COG4: variants seen among roughly 807,000 people sequenced by gnomAD.
COG4 encodes conserved oligomeric Golgi complex subunit 4.
A neutral mutation model predicts 95.1 loss-of-function variants in COG4; 65 were observed. That is an observed-to-expected ratio of 0.68 (90% CI 0.56 to 0.84). The LOEUF (loss-of-function observed/expected upper bound fraction) is 0.84. COG4 is among the 40% of genes least tolerant of loss of function. The pLI is 0.00. For missense variants in COG4, 1,045 were observed against 989.1 expected (o/e 1.06, Z -0.76); for synonymous variants, 421 against 374.8 (o/e 1.12, Z -1.42).
chr16:70,515,489 G>C (rs2049802544), intron 3 of COG4, among the ~76,000 whole-genome samples: 1 of 152,082 alleles, frequency 6.6e-6, no homozygotes, highest in Admixed American at 6.6e-5. Context: ...TTTGAGACCA[G>C]CCTGACCAAC....
At chr16:70,522,837 T>A (rs1290017155) in intron 1 of COG4, among the ~76,000 whole-genome samples, 2 of 151,944 alleles carry the variant, frequency 1.3e-5, no homozygotes, top group Non-Finnish European at 2.9e-5. Context: ...TGTCCAAGAT[T>A]AGAGAATTGT....
rs1176268539 is a variant in COG4 at position 70,501,251 on chromosome 16, A to G, written c.1062-160T>C. On this transcript the variant is annotated intron_variant, in intron 8 of 18. Coordinates refer to ENST00000323786, the MANE Select transcript of COG4 (RefSeq NM_015386.3). ...GCTCTGCTGGCCCAATTAGAATCAG[A>G]GATAGCTGTCAATCACATTTTCCAT... 4.3e-6 allele frequency: 3 copies of G among 698,082 alleles called. No homozygotes were observed. The African/African-American group carries it at 5.3e-5, about 12-fold the overall frequency. 43.2% of individuals were successfully genotyped at this position (698,082 alleles called of 1,614,324 possible).
intron 8 of COG4, among the ~76,000 whole-genome samples, chr16:70,506,508 C>G (rs2049570361): frequency 7.2e-6 from 1 of 139,696 alleles, no homozygotes; most frequent in South Asian, 2.3e-4. Context: ...AGGAGAATCG[C>G]TAAACCTAGC....
At chr16:70,483,772 GC>G in intron 14 of COG4, 80 bp downstream of exon 14, 1 of 1,122,208 alleles carries the variant, frequency 8.9e-7, no homozygotes, top group Non-Finnish European at 1.4e-6. Flanking sequence ...TGGCTTCCTT[GC>G]ACACGATGAG....
chr16:70,516,889 A>G (rs1397890580), intron 3 of COG4, among the ~76,000 whole-genome samples: 1 of 152,054 alleles, frequency 6.6e-6, no homozygotes, highest in Non-Finnish European at 1.5e-5. Context: ...TTAGCCTCCC[A>G]AGTAGCTGGA....
chr16:70,508,550 C>T lies in COG4; in HGVS notation c.1003-86G>A, dbSNP rs778056787. ...CTGGTCACTCCAAACTTTTGGCATA[C>T]AAGAACATTTAGATTTAGTTTGTTT... On this transcript the variant is annotated intron_variant, in intron 7 of 18. Transcript: ENST00000323786. The T allele has an allele frequency of 1.8e-5, 21 of 1,169,224 alleles. 1 individual carries two copies. In the East Asian group the frequency reaches 4.0e-4, roughly 22 times the overall value. The allele number at this position is 1,169,224 out of a possible 1,614,324, so 72.4% of individuals were successfully genotyped here. A position where few individuals can be genotyped will look rare whatever the true frequency, so the allele number is the denominator to read the frequency against.
intron 8 of COG4, among the ~76,000 whole-genome samples, chr16:70,506,618 CAAAA>C (rs1212409898): frequency 1.7e-5 from 1 of 59,910 alleles, no homozygotes; most frequent in East Asian, 6.6e-4. Flanking sequence ...AAAAAAAAAA[CAAAA>C]AAAAAAACAT....
At chr16:70,517,493 T>C (rs1452980419) in intron 3 of COG4, 133 bp downstream of exon 3, 2 of 631,680 alleles carry the variant, frequency 3.2e-6, no homozygotes, top group African/African-American at 4.1e-5. Flanking sequence ...GAGGCTGAGG[T>C]GGGAGAATTG....
chr16:70,481,560 C>G, intron 17 of COG4, 73 bp from the exon 18 acceptor site: 1 of 1,604,838 alleles, frequency 6.2e-7, no homozygotes. Context: ...GCCCCCAGAG[C>G]TGGGTGGCAA....
At chr16:70,486,644 A>T (rs1257268651) in intron 13 of COG4, among the ~76,000 whole-genome samples, 1 of 152,122 alleles carries the variant, frequency 6.6e-6, no homozygotes. Flanking sequence ...TACTTCCAAA[A>T]CCCAACAGAC....
intron 8 of COG4, among the ~76,000 whole-genome samples, chr16:70,502,917 A>G (rs1379714666): frequency 2.0e-5 from 3 of 152,208 alleles, no homozygotes; most frequent in Non-Finnish European, 2.9e-5. Flanking sequence ...TCAATAAACA[A>G]CGAAGGGTCT....
chr16:70,486,042 C>T (rs1296001222), intron 13 of COG4, among the ~76,000 whole-genome samples: 1 of 151,944 alleles, frequency 6.6e-6, no homozygotes, highest in Non-Finnish European at 1.5e-5. Flanking sequence ...ACTACAGGCG[C>T]CCACCACCAC....
intron 12 of COG4, among the ~76,000 whole-genome samples, chr16:70,492,238 T>C (rs946292978): frequency 2.0e-5 from 3 of 152,226 alleles, no homozygotes; most frequent in African/African-American, 2.4e-5. Context: ...CTGTATCCTA[T>C]ATAATATCCT....
chr16:70,509,362 G>T lies in COG4; in HGVS notation c.871C>A (p.Gln291Lys), dbSNP rs2151758230. ...CCATAATAGGTCTCCACTATTGGCT[G>T]GTGGGTCTCCACAATGCGGGCAATC... ...EGIARIVETH[Q>K]PIVETYYGPG... The change falls in exon 7 of 19, where the codon CAG (glutamine) becomes AAG (lysine). Residue 291 changes from glutamine (Q) to lysine (K), a missense_variant. Gln to Lys is a moderately conservative substitution (Grantham distance 53, BLOSUM62 1). Transcript: ENST00000323786. The T allele has an allele frequency of 6.2e-7, 1 of 1,614,172 alleles. No individual in the cohort carries two copies. Among genetic ancestry groups the T allele is most frequent in the Admixed American group, 1.7e-5 (1 of 60,006 alleles).
chr16:70,506,597 AAAAAAAAAAAAAAAAAAAAAC>A (rs1363122059), intron 8 of COG4, among the ~76,000 whole-genome samples: 24 of 91,134 alleles, frequency 2.6e-4, no homozygotes, highest in Non-Finnish European at 4.4e-4. Context: ...CTGCCTCAAA[AAAAAAAAAAAAAAAAAAAAAC>A]AAAAAAAAAA....
chr16:70,504,799 T>C (rs1490932632), intron 8 of COG4, among the ~76,000 whole-genome samples: 1 of 151,024 alleles, frequency 6.6e-6, no homozygotes, highest in African/African-American at 2.4e-5. Flanking sequence ...TAATCCCAGC[T>C]ACTTGGGAGG....
chr16:70,485,383 T>C, intron 13 of COG4, among the ~76,000 whole-genome samples: 1 of 151,590 alleles, frequency 6.6e-6, no homozygotes, highest in Non-Finnish European at 1.5e-5. Flanking sequence ...TTTCTATTTT[T>C]AGTAGAGACA....
At chr16:70,508,625 G>C in intron 7 of COG4, 161 bp from the exon 8 acceptor site, 2 of 711,262 alleles carry the variant, frequency 2.8e-6, no homozygotes, top group Non-Finnish European at 2.6e-6. Context: ...AGGATGACAG[G>C]CCAAAGATTT....
At chr16:70,485,378 A>G (rs2049106843) in intron 13 of COG4, among the ~76,000 whole-genome samples, 1 of 150,960 alleles carries the variant, frequency 6.6e-6, no homozygotes, top group South Asian at 2.1e-4. Flanking sequence ...TAATTTTTCT[A>G]TTTTTAGTAG....
Sources: gnomAD v4.1 joint callset for allele counts (sites outside exome capture counted in the v4.1 genomes callset) on GRCh38, gnomAD v4.1.1 for gene constraint, MANE v1.5 for transcripts, NCBI Gene and HGNC (gene_info 2026-07-23, HGNC 2026-07-21) for gene names.